The following ZNF469 variants were observed in gnomAD, a reference collection of about 807,000 sequenced individuals.
The protein encoded by ZNF469 is zinc finger protein 469.
ZNF469 carries 1 observed loss-of-function variant against 1.0 expected under a neutral mutation model. That is an observed-to-expected ratio of 1.00 (90% CI 0.35 to 4.73). The LOEUF is 4.73. Among genes scored for constraint, ZNF469 ranks in the 30% most tolerant of loss-of-function variants. ZNF469 has a pLI of 0.16. For missense variants in ZNF469, 6,100 were observed against 5,356.3 expected (o/e 1.14, Z -4.33); for synonymous variants, 2,703 against 2,363.4 (o/e 1.14, Z -4.17).
At chr16:88,320,886 G>A in the ZNF469 span, among the ~76,000 whole-genome samples, 159 of 152,336 alleles carry the variant, frequency 1.0e-3, 1 homozygote, top group Non-Finnish European at 1.7e-3. Flanking sequence ...GAGGGTGTGA[G>A]CTGCCCCCTC....
At position 88,437,331 on chromosome 16, in the gene ZNF469, C is replaced by T. The variant is rs1246270910; in HGVS notation, c.9861C>T (p.Thr3287=). The change falls in exon 3 of 3, where the codon ACC becomes ACT. Residue 3287 remains threonine, a synonymous_variant. Coordinates refer to ENST00000565624, the MANE Select transcript of ZNF469 (RefSeq NM_001367624.2). ...STPSNPDGAA[T]PDSASATALA... ...CCAGCAACCCAGACGGGGCCGCGAC[C>T]CCAGACAGCGCCTCTGCCACCGCCC... 1 of 1,546,448 alleles carries T rather than the reference C, an allele frequency of 6.5e-7. No homozygotes were observed. Among genetic ancestry groups the T allele is most frequent in the Non-Finnish European group, 8.7e-7 (1 of 1,145,106 alleles).
chr16:88,108,305 G>A, the ZNF469 span, among the ~76,000 whole-genome samples: 1 of 152,080 alleles, frequency 6.6e-6, no homozygotes, highest in Non-Finnish European at 1.5e-5. Context: ...AGTGAGCCCT[G>A]CACCGTCACA....
the ZNF469 span, among the ~76,000 whole-genome samples, chr16:88,362,247 G>A: frequency 4.6e-5 from 7 of 152,302 alleles, no homozygotes; most frequent in African/African-American, 1.7e-4. Context: ...TGTAAGATCA[G>A]TTTATGGCTC....
At chr16:88,125,536 T>A in the ZNF469 span, among the ~76,000 whole-genome samples, 1 of 152,258 alleles carries the variant, frequency 6.6e-6, no homozygotes, top group East Asian at 1.9e-4. Flanking sequence ...GGTTGCCATC[T>A]TAACTCTATC....
At chr16:88,263,824 T>C in the ZNF469 span, among the ~76,000 whole-genome samples, 1 of 152,062 alleles carries the variant, frequency 6.6e-6, no homozygotes, top group Non-Finnish European at 1.5e-5. Context: ...GAACAAACCC[T>C]GGGTCCCCCA....
At chr16:88,290,572 C>T in the ZNF469 span, among the ~76,000 whole-genome samples, 2 of 152,174 alleles carry the variant, frequency 1.3e-5, no homozygotes, top group Non-Finnish European at 2.9e-5. Flanking sequence ...ATATACAATT[C>T]TATGTAAATA....
the ZNF469 span, among the ~76,000 whole-genome samples, chr16:88,110,063 T>C: frequency 6.6e-6 from 1 of 152,238 alleles, no homozygotes; most frequent in East Asian, 1.9e-4. Flanking sequence ...CATTGGTGAC[T>C]CCTTTTTCCC....
the ZNF469 span, among the ~76,000 whole-genome samples, chr16:88,188,711 G>C: frequency 4.6e-5 from 7 of 152,184 alleles, no homozygotes; most frequent in African/African-American, 1.4e-4. Flanking sequence ...ACGGATCCCA[G>C]TCCAGGCTAG....
At chr16:88,342,279 T>C in the ZNF469 span, among the ~76,000 whole-genome samples, 2 of 152,190 alleles carry the variant, frequency 1.3e-5, no homozygotes, top group South Asian at 2.1e-4. Context: ...GGCTGGGACT[T>C]GAGTCTCTGC....
chr16:88,429,017 G>C lies in ZNF469; in HGVS notation c.1547G>C (p.Gly516Ala), dbSNP rs753160761. Residue 516 changes from glycine (G) to alanine (A), a missense_variant, in exon 3 of 3, where the codon GGC (glycine) becomes GCC (alanine). Physicochemically the swap from Gly to Ala is moderately conservative, Grantham distance 60 (BLOSUM62 0). Coordinates refer to ENST00000565624, the MANE Select transcript of ZNF469 (RefSeq NM_001367624.2). ...GCGGGGGGCCCCGAGTGGCAGGGGG[G>C]CAGCCAAGGAGCCCTGGGCACTGCT... ...FPAGGPEWQG[G>A]SQGALGTAGK... 6.5e-7 allele frequency: 1 copy of C among 1,549,402 alleles called. No homozygotes were observed. Among genetic ancestry groups the C allele is most frequent in the Non-Finnish European group, 8.7e-7 (1 of 1,146,784 alleles).
the ZNF469 span, among the ~76,000 whole-genome samples, chr16:88,103,904 G>T: frequency 1.4e-5 from 2 of 145,572 alleles, no homozygotes; most frequent in Non-Finnish European, 3.0e-5. Flanking sequence ...ATAATCCTCC[G>T]TGGCACGAGG....
At chr16:88,182,527 T>A in the ZNF469 span, among the ~76,000 whole-genome samples, 1 of 151,928 alleles carries the variant, frequency 6.6e-6, no homozygotes, top group Non-Finnish European at 1.5e-5. Context: ...TGTGATATTG[T>A]CATAAGGACA....
chr16:88,215,476 G>A, the ZNF469 span, among the ~76,000 whole-genome samples: 14 of 127,136 alleles, frequency 1.1e-4, no homozygotes, highest in South Asian at 1.6e-3. Context: ...TGCAACCTCC[G>A]CCTCCAGGGT....
At chr16:88,396,076 C>T (rs1440576759) in intron 1 of ZNF469, among the ~76,000 whole-genome samples, 2 of 152,254 alleles carry the variant, frequency 1.3e-5, no homozygotes, top group African/African-American at 4.8e-5. Context: ...GTCCCTTCTC[C>T]CCGTAATCCC....
the ZNF469 span, among the ~76,000 whole-genome samples, chr16:88,272,910 G>T: frequency 6.8e-6 from 1 of 147,774 alleles, no homozygotes; most frequent in Non-Finnish European, 1.5e-5. Flanking sequence ...GGATGAACGG[G>T]TGGGTGTGTG....
the ZNF469 span, among the ~76,000 whole-genome samples, chr16:88,303,906 T>C: frequency 1.3e-5 from 2 of 152,084 alleles, no homozygotes; most frequent in Non-Finnish European, 2.9e-5. Flanking sequence ...TCAGTGCCAC[T>C]CACTCAGTGT....
chr16:88,295,104 G>A, the ZNF469 span, among the ~76,000 whole-genome samples: 1 of 92,244 alleles, frequency 1.1e-5, no homozygotes, highest in Non-Finnish European at 2.2e-5. Context: ...CCAGGACGTG[G>A]CAGGGCTCAG....
chr16:88,244,525 G>C, the ZNF469 span, among the ~76,000 whole-genome samples: 1 of 150,298 alleles, frequency 6.7e-6, no homozygotes, highest in Non-Finnish European at 1.5e-5. Flanking sequence ...GGATGGATCA[G>C]TGAATTGATG....
the ZNF469 span, among the ~76,000 whole-genome samples, chr16:88,310,993 C>T: frequency 2.7e-3 from 407 of 152,310 alleles, 2 homozygotes; most frequent in African/African-American, 9.5e-3. Context: ...CCTCCTGCAC[C>T]AGGACCACAT....
Sources: allele counts gnomAD v4.1 joint callset (sites outside exome capture counted in the v4.1 genomes callset), GRCh38; gene constraint gnomAD v4.1.1; transcripts MANE v1.5; gene names NCBI Gene and HGNC (gene_info 2026-07-23, HGNC 2026-07-21).